The following COG5 variants were observed in gnomAD, a reference collection of about 807,000 sequenced individuals.
The protein encoded by COG5 is component of oligomeric golgi complex 5.
COG5 carries 86 observed loss-of-function variants against 110.4 expected under a neutral mutation model. The ratio of observed to expected loss-of-function variants is 0.78; its 90% CI spans 0.65 to 0.93. The LOEUF (loss-of-function observed/expected upper bound fraction) is 0.93. Ranked by LOEUF, COG5 falls within the 40% of genes least tolerant of loss-of-function variation. The probability of loss-of-function intolerance (pLI) is 0.00; values close to 1 mark genes in which losing one functional copy is unlikely to be tolerated. For missense variants in COG5, 1,077 were observed against 987.0 expected, an observed-to-expected ratio of 1.09 and a Z score of -1.22; for synonymous variants, 360 against 334.6, an observed-to-expected ratio of 1.08 and a Z score of -0.83.
At chr7:107,541,948 A>AC (rs1802071666) in intron 5 of COG5, among the ~76,000 whole-genome samples, 1 of 151,764 alleles carries the variant, frequency 6.6e-6, no homozygotes, top group African/African-American at 2.4e-5. Flanking sequence ...AAAAAAAAAA[A>AC]AAACTATAAA....
At chr7:107,259,897 T>A (rs555427281) in intron 14 of COG5, among the ~76,000 whole-genome samples, 2 of 151,912 alleles carry the variant, frequency 1.3e-5, no homozygotes, top group African/African-American at 4.8e-5. Flanking sequence ...TCACACCCAA[T>A]AGGATGCTAT....
intron 16 of COG5, among the ~76,000 whole-genome samples, chr7:107,249,628 T>C (rs1802327372): frequency 6.6e-6 from 1 of 151,648 alleles, no homozygotes; most frequent in Non-Finnish European, 1.5e-5. Context: ...GGACCCTTAA[T>C]CATTAAATTC....
chr7:107,298,728 AAC>A (rs1299921575), intron 11 of COG5, among the ~76,000 whole-genome samples: 1 of 152,204 alleles, frequency 6.6e-6, no homozygotes, highest in East Asian at 1.9e-4. Flanking sequence ...CAAAACAGCA[AAC>A]ACACATTCTT....
At position 107,474,063 on chromosome 7, in the gene COG5, G is replaced by A. The variant is rs1333677889; in HGVS notation, c.538+53174C>T. 7 of 1,527,506 alleles carry A rather than the reference G, an allele frequency of 4.6e-6. No individual in the cohort carries two copies. The highest frequency in any genetic ancestry group is 6.2e-6 in the Non-Finnish European group (7 of 1,126,290). The allele number at this position is 1,527,506 out of a possible 1,614,324, so 94.6% of individuals were successfully genotyped here. On this transcript the variant is annotated intron_variant, in intron 6 of 21. Coordinates refer to ENST00000297135, the MANE Select transcript of COG5 (RefSeq NM_006348.5). This position sits in a 1 kb window ranked among gnomAD's most constrained non-coding sequence, Gnocchi z 5.7. ...AAAAAACCAACTGCTCCAAAAGAAT[G>A]TGTTTTTCTCCCATTCTGGAAATCA... is the stretch of plus-strand genomic sequence containing the variant.
intron 12 of COG5, among the ~76,000 whole-genome samples, chr7:107,288,917 T>G (rs1364591455): frequency 0.024 from 253 of 10,428 alleles, 4 homozygotes; most frequent in East Asian, 0.061. Context: ...GATATATATA[T>G]ATATATATAT....
chr7:107,537,732 A>C (rs1584944906), intron 5 of COG5, among the ~76,000 whole-genome samples: 1 of 151,928 alleles, frequency 6.6e-6, no homozygotes, highest in African/African-American at 2.4e-5. Flanking sequence ...AACTTAAAGT[A>C]TAATTTAAAA....
At chr7:107,208,452 A>G in intron 21 of COG5, 1 of 985,444 alleles carries the variant, frequency 1.0e-6, no homozygotes, top group Non-Finnish European at 1.2e-6. Context: ...AAAAATGACC[A>G]ACTTGTTAAG....
chr7:107,220,431 C>A (rs1381751124), intron 19 of COG5, among the ~76,000 whole-genome samples: 2 of 152,174 alleles, frequency 1.3e-5, no homozygotes, highest in Non-Finnish European at 2.9e-5. Flanking sequence ...ACCTTAAGTT[C>A]CTCTGGGGTA....
intron 12 of COG5, among the ~76,000 whole-genome samples, chr7:107,285,098 GAAT>G (rs1805513983): frequency 6.6e-6 from 1 of 152,156 alleles, no homozygotes; most frequent in Non-Finnish European, 1.5e-5. Flanking sequence ...TATTTACTGA[GAAT>G]ACTACGCACC....
intron 7 of COG5, among the ~76,000 whole-genome samples, chr7:107,388,947 C>A (rs571476645): frequency 6.6e-6 from 1 of 152,316 alleles, no homozygotes; most frequent in East Asian, 1.9e-4. Context: ...GAGGATAACT[C>A]AGAAGGCTGA....
intron 5 of COG5, among the ~76,000 whole-genome samples, chr7:107,547,090 C>T (rs1802509506): frequency 6.6e-6 from 1 of 152,136 alleles, no homozygotes; most frequent in Non-Finnish European, 1.5e-5. Flanking sequence ...AATTACAGGT[C>T]AATATTCCTG....
chr7:107,437,406 A>G (rs1052988681), intron 6 of COG5, among the ~76,000 whole-genome samples: 2 of 152,176 alleles, frequency 1.3e-5, no homozygotes, highest in Non-Finnish European at 2.9e-5. Flanking sequence ...ATCTTAGGTT[A>G]AGAACCATAG....
Position 107,362,381 on chromosome 7 carries a change from G to C in COG5, c.875C>G (p.Thr292Ser). Residue 292 changes from threonine (T) to serine (S), a missense_variant, in exon 9 of 22, where the codon ACT (threonine) becomes AGT (serine). By Grantham distance (58) the Thr-to-Ser change is moderately conservative. Coordinates refer to ENST00000297135, the MANE Select transcript of COG5 (RefSeq NM_006348.5). Reference sequence around the variant, plus strand: ...CCAGAATGAGGCACGCAAAGCTGCAGTATTTCCTGGGGTTGGCATGGTAGA... The same window carrying C: ...CCAGAATGAGGCACGCAAAGCTGCACTATTTCCTGGGGTTGGCATGGTAGA... ...GRSTMPTPGN[T>S]AALRASFWTN... 6.2e-7 allele frequency: 1 copy of C among 1,613,998 alleles called. No individual in the cohort carries two copies.
chr7:107,474,166 T>C lies in COG5; in HGVS notation c.538+53071A>G. 1 of 1,611,640 alleles carries C rather than the reference T, an allele frequency of 6.2e-7. No individual in the cohort carries two copies. Among genetic ancestry groups the C allele is most frequent in the Non-Finnish European group, 8.5e-7 (1 of 1,177,964 alleles). On this transcript the variant is annotated intron_variant, in intron 6 of 21. Coordinates refer to ENST00000297135, the MANE Select transcript of COG5 (RefSeq NM_006348.5). This position sits in a 1 kb window ranked among gnomAD's most constrained non-coding sequence, Gnocchi z 5.7. ...CACCAATATGTACCAACCACTATCA[T>C]ATCCGTTAAGCTTTCAAGTGTCTCT...
intron 6 of COG5, among the ~76,000 whole-genome samples, chr7:107,440,424 T>C (rs10268720): frequency 6.6e-6 from 1 of 152,098 alleles, no homozygotes; most frequent in Non-Finnish European, 1.5e-5. Context: ...TGTAATATAA[T>C]GAAAAATAAA....
At chr7:107,436,336 T>G (rs1359610678) in intron 6 of COG5, among the ~76,000 whole-genome samples, 1 of 152,198 alleles carries the variant, frequency 6.6e-6, no homozygotes, top group Non-Finnish European at 1.5e-5. Flanking sequence ...TTATGCTAAA[T>G]GAAATAAGCT....
chr7:107,539,999 A>G (rs1801860566), intron 5 of COG5, among the ~76,000 whole-genome samples: 1 of 152,228 alleles, frequency 6.6e-6, no homozygotes, highest in Non-Finnish European at 1.5e-5. Flanking sequence ...GAAACAGAGC[A>G]TGACAGTCTC....
At chr7:107,397,919 T>G (rs1006327370) in intron 7 of COG5, among the ~76,000 whole-genome samples, 1 of 150,736 alleles carries the variant, frequency 6.6e-6, no homozygotes, top group African/African-American at 2.4e-5. Context: ...AAGGATTAAA[T>G]GAAAGAAAAA....
intron 6 of COG5, among the ~76,000 whole-genome samples, chr7:107,418,533 A>C (rs1184198304): frequency 7.4e-6 from 1 of 134,678 alleles, no homozygotes; most frequent in Non-Finnish European, 1.6e-5. Context: ...ACTTAAATCT[A>C]AGGTAGTCCA....
Sources: allele counts gnomAD v4.1 joint callset (sites outside exome capture counted in the v4.1 genomes callset), GRCh38; gene constraint gnomAD v4.1.1; non-coding constraint Gnocchi (gnomAD v3.1); transcripts MANE v1.5; gene names NCBI Gene and HGNC (gene_info 2026-07-23, HGNC 2026-07-21).